CDS2: variants seen among roughly 807,000 people sequenced by gnomAD.
CDS2 encodes phosphatidate cytidylyltransferase 2.
In CDS2, 47 loss-of-function variants were observed where a neutral mutation model predicts 59.0. The ratio of observed to expected loss-of-function variants is 0.80; its 90% CI spans 0.63 to 1.02. CDS2 has a LOEUF of 1.02. CDS2 is among the 50% of genes least tolerant of loss of function. CDS2 has a pLI of 0.00. For missense variants in CDS2, 356 were observed against 558.9 expected (o/e 0.64, Z 3.66); for synonymous variants, 207 against 206.4 (o/e 1.00, Z -0.02).
intron 1 of CDS2, among the ~76,000 whole-genome samples, chr20:5,173,067 A>C (rs1377908934): frequency 6.6e-6 from 1 of 152,170 alleles, no homozygotes; most frequent in Non-Finnish European, 1.5e-5. Context: ...TCCGGAAATA[A>C]CACTCTGGAC....
At chr20:5,175,084 G>A in intron 2 of CDS2, 99 bp from the exon 3 acceptor site, 5 of 856,534 alleles carry the variant, frequency 5.8e-6, no homozygotes, top group Non-Finnish European at 9.9e-6. Flanking sequence ...TGAGCTCAGG[G>A]CCCTCATCTC....
Position 5,152,131 on chromosome 20 carries a change from C to T in CDS2, c.58-21392C>T, listed in dbSNP as rs185527089. On this transcript the variant is annotated intron_variant, in intron 1 of 12. Transcript: ENST00000460006. ...AAACAGGCAATGATCTTTTAAAATA[C>T]GCATCGTTGGTGACATTGATACAAG... Among the ~76,000 whole-genome samples the T allele has an allele frequency of 1.3e-4, 19 of 151,394 alleles. No homozygotes were observed. The East Asian group carries it at 1.9e-3, about 15-fold the overall frequency.
rs1174010073 is a variant in CDS2 at position 5,189,125 on chromosome 20, C to T, written c.1040C>T (p.Ser347Leu). ...AGCATCGCTCTCTCCACCTTTGCCT[C>T]GCTCATTGGCCCCTTTGGAGGATTC... ...IHSIALSTFA[S>L]LIGPFGGFFA... The change falls in exon 11 of 13, where the codon TCG becomes TTG. Residue 347 changes from serine to leucine, a missense_variant. Ser to Leu is a moderately radical substitution (Grantham distance 145). Transcript: ENST00000460006. 1.2e-6 allele frequency: 2 copies of T among 1,614,168 alleles called. No individual in the cohort carries two copies. The highest frequency in any genetic ancestry group is 1.7e-6 in the Non-Finnish European group (2 of 1,179,994).
intron 5 of CDS2, 69 bp from the exon 6 acceptor site, chr20:5,182,318 A>G: frequency 7.1e-7 from 1 of 1,400,292 alleles, no homozygotes; most frequent in South Asian, 1.3e-5. Context: ...CACTTAACAT[A>G]GCTAAAGGAG....
At chr20:5,178,699 G>C (rs961420200) in intron 4 of CDS2, 118 bp from the exon 5 acceptor site, 2 of 986,902 alleles carry the variant, frequency 2.0e-6, no homozygotes, top group South Asian at 1.5e-5. Context: ...GAGCTGTCCC[G>C]GGGGACTCAA....
chr20:5,173,664 C>T lies in CDS2; in HGVS notation c.194+5C>T, dbSNP rs1398347090. ...CCTTTCCAACTTGTCTTCAAGGTAA[C>T]CTGGCTTAATGATGCAGGTGCTTGT... On this transcript the variant is annotated splice_donor_5th_base_variant and intron_variant, in intron 2 of 12. Transcript: ENST00000460006. 1 of 1,613,984 alleles carries T rather than the reference C, an allele frequency of 6.2e-7. No individual in the cohort carries two copies. The highest frequency in any genetic ancestry group is 1.1e-5 in the South Asian group (1 of 91,074).
intron 1 of CDS2, among the ~76,000 whole-genome samples, chr20:5,152,176 T>C (rs1232759616): frequency 6.6e-6 from 1 of 152,166 alleles, no homozygotes; most frequent in Non-Finnish European, 1.5e-5. Context: ...GTTCAAGTTT[T>C]TTTTTCTTTT....
chr20:5,145,822 G>GGTTTTTTTTTTTTTTTTTT (rs773575866), intron 1 of CDS2, among the ~76,000 whole-genome samples: 2 of 129,252 alleles, frequency 1.5e-5, no homozygotes, highest in Non-Finnish European at 1.6e-5. Context: ...TGCTTTTTGT[G>GGTTTTTTTTTTTTTTTTTT]TTTTTTTTTT....
At chr20:5,139,793 A>G (rs2090678673) in intron 1 of CDS2, among the ~76,000 whole-genome samples, 1 of 146,352 alleles carries the variant, frequency 6.8e-6, no homozygotes, top group African/African-American at 2.5e-5. Context: ...GTGCTTTTTC[A>G]GCATCCTTTT....
At chr20:5,189,866 T>G (rs1568545957) in intron 12 of CDS2, 28 bp downstream of exon 12, 1 of 1,557,804 alleles carries the variant, frequency 6.4e-7, no homozygotes, top group Non-Finnish European at 8.8e-7. Context: ...CTGAACCAAG[T>G]TGGTGGATTT....
intron 1 of CDS2, among the ~76,000 whole-genome samples, chr20:5,166,079 G>T (rs1037244739): frequency 1.3e-5 from 2 of 152,170 alleles, no homozygotes; most frequent in South Asian, 2.1e-4. Context: ...GAAGGTCCTC[G>T]TGTTGCAGTG....
chr20:5,139,909 C>T (rs1318952226), intron 1 of CDS2, among the ~76,000 whole-genome samples: 2 of 151,980 alleles, frequency 1.3e-5, no homozygotes, highest in Non-Finnish European at 2.9e-5. Flanking sequence ...AGCAGTTCTC[C>T]CTGCCTCAGC....
rs2091163655 is a variant in CDS2, at chr20:5,197,150, TA to T, written c.*6917del. On this transcript the variant is annotated 3_prime_UTR_variant, in exon 13 of 13. Coordinates refer to ENST00000460006, the MANE Select transcript of CDS2 (RefSeq NM_003818.4). ...GATACTGATAATATATTTTAATTTTTATTGATGTTTAATACCTTCTGAAACA... is the reference window on the plus strand; with the variant it reads ...GATACTGATAATATATTTTAATTTTTTTGATGTTTAATACCTTCTGAAACA... 6.6e-6 allele frequency: 1 copy of T among 152,154 alleles called. No individual in the cohort carries two copies. The highest frequency in any genetic ancestry group is 6.5e-5 in the Admixed American group (1 of 15,272). 9.4% of individuals were successfully genotyped at this position (152,154 alleles called of 1,614,324 possible). A position where few individuals can be genotyped will look rare whatever the true frequency, so the allele number is the denominator to read the frequency against.
chr20:5,161,543 AC>A (rs923491197), intron 1 of CDS2, among the ~76,000 whole-genome samples: 55 of 152,382 alleles, frequency 3.6e-4, no homozygotes, highest in African/African-American at 1.3e-3. Context: ...TCCATTGATA[AC>A]TGACACATAC....
intron 1 of CDS2, among the ~76,000 whole-genome samples, chr20:5,163,490 AC>A: frequency 6.7e-6 from 1 of 149,138 alleles, no homozygotes; most frequent in African/African-American, 2.4e-5. Context: ...CGAACTCCCA[AC>A]CTCAGGTGAT....
At chr20:5,167,240 T>C (rs927507474) in intron 1 of CDS2, among the ~76,000 whole-genome samples, 1 of 152,242 alleles carries the variant, frequency 6.6e-6, no homozygotes. Flanking sequence ...TGTATTTTCT[T>C]GTCCTTTCTC....
At chr20:5,188,740 T>A (rs777619117) in intron 10 of CDS2, among the ~76,000 whole-genome samples, 32 of 152,204 alleles carry the variant, frequency 2.1e-4, no homozygotes, top group Non-Finnish European at 4.3e-4. Flanking sequence ...TGGTGAGGGC[T>A]TTTTATGCTG....
At chr20:5,149,385 A>C (rs530847235) in intron 1 of CDS2, among the ~76,000 whole-genome samples, 3 of 152,282 alleles carry the variant, frequency 2.0e-5, no homozygotes, top group Admixed American at 2.0e-4. Flanking sequence ...TAGTTGAAGA[A>C]GTTGGACCCT....
In CDS2 at chr20:5,193,629, TTGTA is replaced by T. The variant is rs1485061581; in HGVS notation, c.*3398_*3401del. On this transcript the variant is annotated 3_prime_UTR_variant, in exon 13 of 13. Transcript: ENST00000460006. ...CCTTGGCTCAGCCCTTGTCACCTGT[TTGTA>T]TGGGGACCATGTTTCCCAAAGCTCA... 2.0e-5 allele frequency: 3 copies of T among 152,228 alleles called. No individual in the cohort carries two copies. Among genetic ancestry groups the T allele is most frequent in the Non-Finnish European group, 1.5e-5 (1 of 68,034 alleles). The allele number at this position is 152,228 out of a possible 1,614,324, so 9.4% of individuals were successfully genotyped here.
Sources: gnomAD v4.1 joint callset for allele counts (sites outside exome capture counted in the v4.1 genomes callset) on GRCh38, gnomAD v4.1.1 for gene constraint, MANE v1.5 for transcripts, NCBI Gene and HGNC (gene_info 2026-07-23, HGNC 2026-07-21) for gene names.